RPAP2: variants seen among roughly 807,000 people sequenced by gnomAD.
RPAP2 encodes putative RNA polymerase II subunit B1 CTD phosphatase RPAP2.
A neutral mutation model predicts 73.1 loss-of-function variants in RPAP2; 52 were observed. The ratio of observed to expected loss-of-function variants is 0.71; its 90% CI spans 0.57 to 0.90. The LOEUF is 0.90. Among genes scored for constraint, RPAP2 ranks in the 40% least tolerant of loss-of-function variants. RPAP2 has a pLI of 0.00. For missense variants in RPAP2, 598 were observed against 701.8 expected, an observed-to-expected ratio of 0.85 and a Z score of 1.67; for synonymous variants, 225 against 242.1, an observed-to-expected ratio of 0.93 and a Z score of 0.65.
intron 3 of RPAP2, among the ~76,000 whole-genome samples, chr1:92,302,626 G>A (rs1650940502): frequency 1.4e-5 from 1 of 70,430 alleles, no homozygotes; most frequent in African/African-American, 4.0e-5. Flanking sequence ...TTTTGAGACG[G>A]AGCCTCACTC....
At chr1:92,336,233 A>T (rs2101245070) in intron 9 of RPAP2, 114 bp from the exon 10 acceptor site, 1 of 694,618 alleles carries the variant, frequency 1.4e-6, no homozygotes, top group East Asian at 2.8e-5. Flanking sequence ...TTAAATCATG[A>T]CTGCTTCCAT....
chr1:92,303,850 C>T, intron 3 of RPAP2, 127 bp from the exon 4 acceptor site: 1 of 535,718 alleles, frequency 1.9e-6, no homozygotes, highest in Non-Finnish European at 3.1e-6. Flanking sequence ...TAATTCTAAC[C>T]TCTAACTTAT....
intron 6 of RPAP2, among the ~76,000 whole-genome samples, chr1:92,317,474 C>T (rs1252327302): frequency 6.6e-6 from 1 of 151,904 alleles, no homozygotes; most frequent in Non-Finnish European, 1.5e-5. Context: ...TGCCACTGCA[C>T]TCCAGCCTAG....
At position 92,385,669 on chromosome 1, in the gene RPAP2, A is replaced by G. The variant is rs1480704114; in HGVS notation, c.*-1342A>G. ...ATATGCTTTCAGTTGTGAATAACAG[A>G]AAAAAAATCCATTTCCAACTACCTT... On this transcript the variant is annotated intron_variant, in intron 12 of 12. Coordinates refer to ENST00000610020, the MANE Select transcript of RPAP2 (RefSeq NM_024813.3). 2.6e-5 allele frequency among the ~76,000 whole-genome samples: 4 copies of G among 152,238 alleles called. No homozygotes were observed. The South Asian group carries it at 8.3e-4, about 32-fold the overall frequency.
At chr1:92,371,667 G>C (rs953326118) in intron 11 of RPAP2, among the ~76,000 whole-genome samples, 4 of 151,630 alleles carry the variant, frequency 2.6e-5, no homozygotes, top group Admixed American at 2.0e-4. Context: ...AGGATGTTAA[G>C]TTAAGTGAAA....
chr1:92,371,282 G>A (rs1490894036), intron 11 of RPAP2, among the ~76,000 whole-genome samples: 3 of 139,688 alleles, frequency 2.1e-5, no homozygotes, highest in African/African-American at 8.0e-5. Flanking sequence ...TCCAGCCTGG[G>A]CAATAGAGTG....
rs1176478156 is a variant in RPAP2, at chr1:92,393,637, G to C, written c.*6626G>C. ...ACTTAAACAAATTTACAAGAAAAAAGCAAACAACCCCATCAAAAAATGGGC... is the reference window on the plus strand; with the variant it reads ...ACTTAAACAAATTTACAAGAAAAAACCAAACAACCCCATCAAAAAATGGGC... On this transcript the variant is annotated 3_prime_UTR_variant, in exon 13 of 13. Transcript: ENST00000610020. 1 of 151,948 alleles carries C rather than the reference G, an allele frequency of 6.6e-6. No homozygotes were observed. Among genetic ancestry groups the C allele is most frequent in the Admixed American group, 6.6e-5 (1 of 15,238 alleles). The allele number at this position is 151,948 out of a possible 1,614,324, so 9.4% of individuals were successfully genotyped here.
chr1:92,314,658 A>G (rs1439407187), intron 6 of RPAP2, among the ~76,000 whole-genome samples: 2 of 151,798 alleles, frequency 1.3e-5, no homozygotes, highest in Admixed American at 1.3e-4. Context: ...CAGGAGAATC[A>G]CTTGAACCCA....
intron 3 of RPAP2, 52 bp downstream of exon 3, chr1:92,301,642 C>T: frequency 1.3e-6 from 1 of 749,282 alleles, no homozygotes; most frequent in Non-Finnish European, 2.1e-6. Context: ...ATCTTTAAAT[C>T]TGTGCAGCAT....
chr1:92,349,260 A>G (rs1654076683), intron 11 of RPAP2, among the ~76,000 whole-genome samples: 3 of 152,344 alleles, frequency 2.0e-5, no homozygotes, highest in South Asian at 4.1e-4. Flanking sequence ...GTCACTTAAG[A>G]TGAATATAAG....
chr1:92,303,986 A>G lies in RPAP2; in HGVS notation c.244A>G (p.Ile82Val). Residue 82 changes from isoleucine to valine, a missense_variant, in exon 4 of 13, where the codon ATT becomes GTT. By Grantham distance (29) the Ile-to-Val change is conservative (BLOSUM62 3). Coordinates refer to ENST00000610020, the MANE Select transcript of RPAP2 (RefSeq NM_024813.3). Reference protein sequence around the residue: ...EEFLMECGRFITPAHYSDVVD... With the variant: ...EEFLMECGRFVTPAHYSDVVD... ...TCTCATTTCATTTTAGGGGAGGTTC[A>G]TTACACCTGCTCACTACAGTGATGT... is the stretch of plus-strand genomic sequence containing the variant. 6.2e-7 allele frequency: 1 copy of G among 1,606,912 alleles called. No homozygotes were observed. Among genetic ancestry groups the G allele is most frequent in the Middle Eastern group, 1.7e-4 (1 of 5,858 alleles).
chr1:92,329,280 GT>G (rs1652823962), intron 8 of RPAP2, among the ~76,000 whole-genome samples: 1 of 152,134 alleles, frequency 6.6e-6, no homozygotes, highest in Admixed American at 6.5e-5. Context: ...TCAGGTGGGG[GT>G]ACCATTGTGT....
At chr1:92,377,168 C>CT in intron 11 of RPAP2, among the ~76,000 whole-genome samples, 1 of 152,258 alleles carries the variant, frequency 6.6e-6, no homozygotes, top group South Asian at 2.1e-4. Flanking sequence ...GACCCTAAGG[C>CT]TTTGAGGTGC....
intron 12 of RPAP2, among the ~76,000 whole-genome samples, chr1:92,386,556 A>G (rs1396264085): frequency 1.3e-5 from 2 of 152,208 alleles, no homozygotes; most frequent in Non-Finnish European, 2.9e-5. Context: ...CTTAGCCCTC[A>G]AGTTGAATAC....
In RPAP2 at chr1:92,310,660, G is replaced by A. The variant is rs528578183; in HGVS notation, c.488+3384G>A. ...CGCCCGTAATCCCAGCATTTGGGAG[G>A]CCGAGACTGGTGGATCACCTGAGGT... is the stretch of plus-strand genomic sequence containing the variant. On this transcript the variant is annotated intron_variant, in intron 6 of 12. Transcript: ENST00000610020. Among the ~76,000 whole-genome samples, 15 of 152,204 alleles carry A rather than the reference G, an allele frequency of 9.9e-5. No homozygotes were observed. The South Asian group carries it at 2.9e-3, about 29-fold the overall frequency.
Position 92,397,820 on chromosome 1 carries a change from CAAAAG to C in RPAP2, c.*10810_*10814del, listed in dbSNP as rs1457023962. 6.6e-6 allele frequency: 1 copy of C among 152,158 alleles called. No individual in the cohort carries two copies. Among genetic ancestry groups the C allele is most frequent in the African/African-American group, 2.4e-5 (1 of 41,428 alleles). The allele number at this position is 152,158 out of a possible 1,614,324, so 9.4% of individuals were successfully genotyped here. ...CAGAAACTAAGCAAGTGCTCAAAAA[CAAAAG>C]GATAGAAGCATGTCAGACAGACACA... On this transcript the variant is annotated 3_prime_UTR_variant, in exon 13 of 13. Transcript: ENST00000610020.
intron 11 of RPAP2, among the ~76,000 whole-genome samples, chr1:92,351,442 G>A (rs946991310): frequency 6.6e-6 from 1 of 151,836 alleles, no homozygotes; most frequent in African/African-American, 2.4e-5. Context: ...TAAGAAACCT[G>A]AAAGTAAAGA....
intron 10 of RPAP2, among the ~76,000 whole-genome samples, chr1:92,345,238 T>C (rs1319506880): frequency 6.6e-6 from 1 of 151,880 alleles, no homozygotes; most frequent in Non-Finnish European, 1.5e-5. Flanking sequence ...CAGCAGCATG[T>C]ACCTGTCATC....
chr1:92,340,598 T>C (rs1653539960), intron 10 of RPAP2, among the ~76,000 whole-genome samples: 1 of 152,166 alleles, frequency 6.6e-6, no homozygotes, highest in South Asian at 2.1e-4. Context: ...ACCCTAGAGA[T>C]TGAGTTTCAT....
Sources: gnomAD v4.1 joint callset for allele counts (sites outside exome capture counted in the v4.1 genomes callset) on GRCh38, gnomAD v4.1.1 for gene constraint, MANE v1.5 for transcripts, NCBI Gene and HGNC (gene_info 2026-07-23, HGNC 2026-07-21) for gene names.